The following TBC1D31 variants were observed in gnomAD, a reference collection of about 807,000 sequenced individuals.
The protein encoded by TBC1D31 is WD repeat domain 67.
A neutral mutation model predicts 132.9 loss-of-function variants in TBC1D31; 99 were observed. That is an observed-to-expected ratio of 0.74 (90% CI 0.63 to 0.88). TBC1D31 has a LOEUF of 0.88. TBC1D31 is among the 40% of genes least tolerant of loss of function. TBC1D31 has a pLI of 0.00. For missense variants in TBC1D31, 1,134 were observed against 1,256.6 expected (o/e 0.90, Z 1.48); for synonymous variants, 385 against 419.4 (o/e 0.92, Z 1.00).
intron 17 of TBC1D31, among the ~76,000 whole-genome samples, chr8:123,139,987 C>A (rs1474851221): frequency 1.3e-5 from 2 of 152,198 alleles, no homozygotes; most frequent in Non-Finnish European, 2.9e-5. Context: ...AGTTCTCCAG[C>A]AATGGTGGTT....
At position 123,120,083 on chromosome 8, in the gene TBC1D31, G is replaced by C; in HGVS notation, c.1465G>C (p.Val489Leu). The C allele has an allele frequency of 1.2e-5, 19 of 1,608,042 alleles. No individual in the cohort carries two copies. The highest frequency in any genetic ancestry group is 1.6e-5 in the Non-Finnish European group (19 of 1,177,888). ...RTLSALAHWS[V>L]IFSDTPYLPL... is the part of the protein sequence containing the mutation. ...CTTATCTGCATTAGCTCACTGGTCT[G>C]TCATTTTTAGTGACACACCATATCT... is the stretch of plus-strand genomic sequence containing the variant. Residue 489 changes from valine (V) to leucine (L), a missense_variant, in exon 11 of 22, where the codon GTC becomes CTC. Coordinates refer to ENST00000287380, the MANE Select transcript of TBC1D31 (RefSeq NM_145647.4).
At chr8:123,123,347 G>T in intron 11 of TBC1D31, 1 of 178,486 alleles carries the variant, frequency 5.6e-6, no homozygotes. Context: ...CCCTCCTAAA[G>T]GGGAAACAAA....
chr8:123,145,799 CT>C (rs1253051124), intron 20 of TBC1D31, among the ~76,000 whole-genome samples: 1 of 150,194 alleles, frequency 6.7e-6, no homozygotes, highest in Non-Finnish European at 1.5e-5. Flanking sequence ...GTATACATTG[CT>C]TTTTAAAATA....
At chr8:123,136,957 G>A (rs1218228901) in intron 17 of TBC1D31, among the ~76,000 whole-genome samples, 1 of 152,168 alleles carries the variant, frequency 6.6e-6, no homozygotes, top group Non-Finnish European at 1.5e-5. Flanking sequence ...CAAATTGGCT[G>A]TAGTGATTGC....
the TBC1D31 span, among the ~76,000 whole-genome samples, chr8:123,164,845 C>G: frequency 6.6e-6 from 1 of 152,214 alleles, no homozygotes; most frequent in African/African-American, 2.4e-5. Context: ...TTCCTACACA[C>G]AAACATAAAA....
chr8:123,161,516 C>A, the TBC1D31 span, among the ~76,000 whole-genome samples: 1 of 152,202 alleles, frequency 6.6e-6, no homozygotes, highest in Non-Finnish European at 1.5e-5. Flanking sequence ...TTCAAACGAT[C>A]ACCGCCCCCC....
chr8:123,149,781 A>G (rs1241035815), intron 20 of TBC1D31, among the ~76,000 whole-genome samples: 1 of 152,176 alleles, frequency 6.6e-6, no homozygotes, highest in Non-Finnish European at 1.5e-5. Context: ...TAATATCCAT[A>G]TTTTTGAGTT....
At chr8:123,145,693 A>T (rs1413753510) in intron 20 of TBC1D31, among the ~76,000 whole-genome samples, 1 of 64,998 alleles carries the variant, frequency 1.5e-5, no homozygotes, top group Non-Finnish European at 3.1e-5. Context: ...CTGTCTCTTT[A>T]AAAAAAAAAA....
rs201107820 is a variant in TBC1D31 at position 123,146,286 on chromosome 8, ACT to A, written c.2974+1432_2974+1433del. On this transcript the variant is annotated intron_variant, in intron 20 of 21. Coordinates refer to ENST00000287380, the MANE Select transcript of TBC1D31 (RefSeq NM_145647.4). Reference sequence around the variant, plus strand: ...AAGCAAGTTTAGAGCATTTTTCAGCACTTCAAAATAAACCCAGTACCCATTAG... The same window carrying A: ...AAGCAAGTTTAGAGCATTTTTCAGCATCAAAATAAACCCAGTACCCATTAG... Among the ~76,000 whole-genome samples, 1,258 of 152,306 alleles carry A rather than the reference ACT, an allele frequency of 8.3e-3. 14 individuals carry two copies. Among genetic ancestry groups the A allele is most frequent in the African/African-American group, 0.029 (1,222 of 41,556 alleles).
intron 2 of TBC1D31, among the ~76,000 whole-genome samples, chr8:123,080,104 C>T (rs1422727302): frequency 2.0e-5 from 3 of 152,116 alleles, no homozygotes; most frequent in Admixed American, 6.5e-5. Flanking sequence ...ATCTATCATG[C>T]GTGTAACACA....
chr8:123,100,861 T>C lies in TBC1D31; in HGVS notation c.886T>C (p.Cys296Arg), dbSNP rs1481807728. Residue 296 changes from cysteine (C) to arginine (R), a missense_variant, in exon 7 of 22, where the codon TGT becomes CGT. Coordinates refer to ENST00000287380, the MANE Select transcript of TBC1D31 (RefSeq NM_145647.4). ...TATGAGATTTATCAATATGCAGACT[T>C]GTAAACTTCTCTTTGAGATTGGGAG... ...GIMRFINMQT[C>R]KLLFEIGSLD... 3.1e-6 allele frequency: 5 copies of C among 1,614,022 alleles called. No individual in the cohort carries two copies. The East Asian group carries it at 1.1e-4, about 36-fold the overall frequency.
intron 10 of TBC1D31, among the ~76,000 whole-genome samples, chr8:123,118,673 A>C (rs1376319974): frequency 2.0e-5 from 3 of 152,220 alleles, no homozygotes; most frequent in Admixed American, 1.3e-4. Flanking sequence ...CAGTAAAAAA[A>C]AAAAATGGAT....
At chr8:123,163,234 C>G in the TBC1D31 span, among the ~76,000 whole-genome samples, 1 of 151,506 alleles carries the variant, frequency 6.6e-6, no homozygotes. Context: ...ATTTTTTAAA[C>G]AGCTTTACTG....
chr8:123,144,482 T>G (rs1280273127), intron 19 of TBC1D31, among the ~76,000 whole-genome samples: 1 of 152,224 alleles, frequency 6.6e-6, no homozygotes, highest in African/African-American at 2.4e-5. Context: ...TATAGTTGTG[T>G]GCTTTGTGGC....
At chr8:123,148,483 A>G (rs1412087382) in intron 20 of TBC1D31, among the ~76,000 whole-genome samples, 1 of 151,972 alleles carries the variant, frequency 6.6e-6, no homozygotes, top group Non-Finnish European at 1.5e-5. Context: ...GGCGCCTGTA[A>G]TCCTAGCAAT....
chr8:123,121,317 C>T (rs1819464954), intron 11 of TBC1D31, among the ~76,000 whole-genome samples: 1 of 150,364 alleles, frequency 6.7e-6, no homozygotes, highest in African/African-American at 2.5e-5. Flanking sequence ...ATAATAGTTC[C>T]CTTTGCGTAG....
At chr8:123,149,114 T>C (rs1429609840) in intron 20 of TBC1D31, among the ~76,000 whole-genome samples, 1 of 152,214 alleles carries the variant, frequency 6.6e-6, no homozygotes, top group African/African-American at 2.4e-5. Flanking sequence ...TTTTTCTTTT[T>C]CCGCTGAGTT....
Position 123,126,663 on chromosome 8 carries a change from C to G in TBC1D31, c.1860C>G (p.Ser620Arg), listed in dbSNP as rs767738937. The G allele has an allele frequency of 6.2e-7, 1 of 1,612,260 alleles. No homozygotes were observed. Among genetic ancestry groups the G allele is most frequent in the Non-Finnish European group, 8.5e-7 (1 of 1,179,402 alleles). ...TATGTTCTAGAACGCCTCTGCTCAG[C>G]TGTAATCTTAAAGATGACTTTGAGG... ...YNICSRTPLLSCNLKDDFEFF... is the reference protein window; with the variant it reads ...YNICSRTPLLRCNLKDDFEFF... The change falls in exon 13 of 22, where the codon AGC (serine) becomes AGG (arginine). Residue 620 changes from serine (S) to arginine (R), a missense_variant. Ser to Arg is a moderately radical substitution (Grantham distance 110, BLOSUM62 -1). Coordinates refer to ENST00000287380, the MANE Select transcript of TBC1D31 (RefSeq NM_145647.4).
intron 14 of TBC1D31, among the ~76,000 whole-genome samples, 172 bp downstream of exon 14, chr8:123,128,685 G>A (rs1820330533): frequency 6.6e-6 from 1 of 151,410 alleles, no homozygotes; most frequent in Non-Finnish European, 1.5e-5. Context: ...GACCAGCCTG[G>A]CCAACATGGT....
Sources: gnomAD v4.1 joint callset for allele counts (sites outside exome capture counted in the v4.1 genomes callset) on GRCh38, gnomAD v4.1.1 for gene constraint, MANE v1.5 for transcripts, NCBI Gene and HGNC (gene_info 2026-07-23, HGNC 2026-07-21) for gene names.